The following CTNNA2 variants were observed in gnomAD, a reference collection of about 807,000 sequenced individuals.
CTNNA2 encodes catenin alpha 2.
CTNNA2 carries 42 observed loss-of-function variants against 101.0 expected under a neutral mutation model. That is an observed-to-expected ratio of 0.42 (90% CI 0.32 to 0.54). CTNNA2 has a LOEUF of 0.54. Among genes scored for constraint, CTNNA2 ranks in the 20% least tolerant of loss-of-function variants. The pLI is 0.14. For synonymous variants in CTNNA2, 450 were observed against 456.4 expected (o/e 0.99, Z 0.18); for missense variants, 871 against 1,223.1 (o/e 0.71, Z 4.29).
At chr2:79,805,272 C>A (rs550888172) in intron 3 of CTNNA2, among the ~76,000 whole-genome samples, 2 of 152,106 alleles carry the variant, frequency 1.3e-5, no homozygotes, top group Admixed American at 1.3e-4. Context: ...GAAATATTTG[C>A]ATTATATAAT....
intron 4 of CTNNA2, among the ~76,000 whole-genome samples, chr2:79,379,271 T>C (rs1678013773): frequency 6.6e-6 from 1 of 152,206 alleles, no homozygotes; most frequent in Admixed American, 6.5e-5. Context: ...GAACATTTTC[T>C]CATTAGAATA....
chr2:80,393,336 G>A lies in CTNNA2; in HGVS notation c.1137+45G>A, dbSNP rs777154338. 2.9e-6 allele frequency: 4 copies of A among 1,365,256 alleles called. No individual in the cohort carries two copies. The Admixed American group carries it at 7.8e-5, about 27-fold the overall frequency. The allele number at this position is 1,365,256 out of a possible 1,614,324, so 84.6% of individuals were successfully genotyped here. ...CTTTAAGTCCATGATATTCAGTAGT[G>A]GTTTCCAACAATATCCTTTTCCAGG... On this transcript the variant is annotated intron_variant, in intron 8 of 18. Coordinates refer to ENST00000402739, the MANE Select transcript of CTNNA2 (RefSeq NM_001282597.3).
chr2:79,680,188 CAAAACA>C (rs1683465463), intron 2 of CTNNA2, among the ~76,000 whole-genome samples: 1 of 151,680 alleles, frequency 6.6e-6, no homozygotes, highest in Non-Finnish European at 1.5e-5. Flanking sequence ...AGCAAATAAA[CAAAACA>C]GAAAATCTCG....
At chr2:80,215,205 A>C (rs1342512090) in intron 7 of CTNNA2, among the ~76,000 whole-genome samples, 2 of 152,086 alleles carry the variant, frequency 1.3e-5, no homozygotes, top group Non-Finnish European at 2.9e-5. Flanking sequence ...GGGTTAGAAC[A>C]TCCTCCTTTA....
At chr2:80,129,534 A>G (rs890528540) in intron 7 of CTNNA2, among the ~76,000 whole-genome samples, 10 of 152,090 alleles carry the variant, frequency 6.6e-5, no homozygotes, top group African/African-American at 1.9e-4. Flanking sequence ...GCTTTGCTGT[A>G]TGGCCAGGCT....
At chr2:80,112,952 A>T (rs1005119731) in intron 7 of CTNNA2, among the ~76,000 whole-genome samples, 1 of 152,132 alleles carries the variant, frequency 6.6e-6, no homozygotes, top group South Asian at 2.1e-4. Context: ...CTGTGACTGG[A>T]GCAGTATCTT....
chr2:79,683,151 A>G (rs889181104), intron 2 of CTNNA2, among the ~76,000 whole-genome samples: 12 of 152,108 alleles, frequency 7.9e-5, no homozygotes, highest in African/African-American at 2.9e-4. Context: ...TTCAGAGTCT[A>G]CCTCTCTGCC....
intron 7 of CTNNA2, among the ~76,000 whole-genome samples, chr2:80,031,672 T>G (rs1695299605): frequency 6.6e-6 from 1 of 152,206 alleles, no homozygotes; most frequent in African/African-American, 2.4e-5. Context: ...AAGGGAAATT[T>G]TCACCTTTTA....
chr2:79,239,834 C>A (rs555817261), intron 2 of CTNNA2, among the ~76,000 whole-genome samples: 1 of 151,776 alleles, frequency 6.6e-6, no homozygotes, highest in Non-Finnish European at 1.5e-5. Flanking sequence ...ATACGAGGAA[C>A]GTAAAAGTGC....
At chr2:80,000,236 T>C (rs369313345) in intron 7 of CTNNA2, among the ~76,000 whole-genome samples, 1 of 152,168 alleles carries the variant, frequency 6.6e-6, no homozygotes, top group Non-Finnish European at 1.5e-5. Context: ...ATGATTTCTG[T>C]GCTATCATAT....
intron 4 of CTNNA2, among the ~76,000 whole-genome samples, chr2:79,396,948 C>T (rs368529232): frequency 1.3e-5 from 2 of 152,074 alleles, no homozygotes; most frequent in Non-Finnish European, 2.9e-5. Flanking sequence ...AGTGTACATC[C>T]GAATCACTGG....
At chr2:79,337,442 T>TA (rs1469579332) in intron 3 of CTNNA2, among the ~76,000 whole-genome samples, 1 of 152,146 alleles carries the variant, frequency 6.6e-6, no homozygotes, top group African/African-American at 2.4e-5. Context: ...ACAAATATAT[T>TA]AAAAAATGCT....
chr2:79,601,816 A>G (rs1359361724), intron 1 of CTNNA2, among the ~76,000 whole-genome samples: 2 of 152,234 alleles, frequency 1.3e-5, no homozygotes, highest in Non-Finnish European at 2.9e-5. Flanking sequence ...AGATAGATAC[A>G]CAGATGCTCC....
chr2:79,597,243 C>CA (rs1677253065), intron 1 of CTNNA2, among the ~76,000 whole-genome samples: 2 of 151,994 alleles, frequency 1.3e-5, no homozygotes, highest in Non-Finnish European at 2.9e-5. Flanking sequence ...GAGGCCCAGG[C>CA]GGCATGATCA....
At chr2:79,814,725 G>C (rs939092795) in intron 3 of CTNNA2, among the ~76,000 whole-genome samples, 1 of 152,012 alleles carries the variant, frequency 6.6e-6, no homozygotes, top group Non-Finnish European at 1.5e-5. Flanking sequence ...TGTGAATTGT[G>C]CTGCTATAAA....
intron 7 of CTNNA2, among the ~76,000 whole-genome samples, chr2:80,182,751 C>G (rs905927871): frequency 2.0e-5 from 3 of 152,098 alleles, no homozygotes; most frequent in African/African-American, 7.2e-5. Context: ...GCGAAAAAGC[C>G]AGCTATGTGC....
chr2:79,575,087 T>C (rs929194838), intron 1 of CTNNA2, among the ~76,000 whole-genome samples: 4 of 152,182 alleles, frequency 2.6e-5, no homozygotes, highest in African/African-American at 9.6e-5. Flanking sequence ...GTTTATTTCT[T>C]TAAGTTTGAA....
intron 1 of CTNNA2, chr2:79,523,338 AT>A: frequency 8.0e-6 from 3 of 374,746 alleles, no homozygotes; most frequent in South Asian, 4.2e-5. Context: ...ATACATATAT[AT>A]TTTTTTCTTA....
chr2:79,998,103 G>T (rs182395156), intron 7 of CTNNA2, among the ~76,000 whole-genome samples: 1 of 152,136 alleles, frequency 6.6e-6, no homozygotes, highest in African/African-American at 2.4e-5. Context: ...GCTACATTAA[G>T]TTCATTAGGA....
Sources: allele counts gnomAD v4.1 joint callset (sites outside exome capture counted in the v4.1 genomes callset), GRCh38; gene constraint gnomAD v4.1.1; transcripts MANE v1.5; gene names NCBI Gene and HGNC (gene_info 2026-07-23, HGNC 2026-07-21).